The following FAT3 variants were observed in gnomAD, a reference collection of about 807,000 sequenced individuals.
FAT3 encodes protocadherin Fat 3.
A neutral mutation model predicts 310.2 loss-of-function variants in FAT3; 95 were observed. That is an observed-to-expected ratio of 0.31 (90% CI 0.26 to 0.36). FAT3 has a LOEUF of 0.36. FAT3 is among the 10% of genes least tolerant of loss of function. The pLI is 1.00. For missense variants in FAT3, 5,408 were observed against 5,715.6 expected (o/e 0.95, Z 1.74); for synonymous variants, 2,314 against 2,192.9 (o/e 1.06, Z -1.54).
Position 92,421,843 on chromosome 11 carries a change from C to T in FAT3, c.3292+66439C>T, listed in dbSNP as rs571942626. On this transcript the variant is annotated intron_variant, in intron 2 of 27. Coordinates refer to ENST00000525166, the MANE Select transcript of FAT3 (RefSeq NM_001367949.2). Reference sequence around the variant, plus strand: ...CAGCCCCAGGTAGAGGAACAGGCAGCGAGCTGAGCCCTCATAGCTCCTCCT... The same window carrying T: ...CAGCCCCAGGTAGAGGAACAGGCAGTGAGCTGAGCCCTCATAGCTCCTCCT... Among the ~76,000 whole-genome samples, 4 of 152,294 alleles carry T rather than the reference C, an allele frequency of 2.6e-5. No homozygotes were observed. In the South Asian group the frequency reaches 6.2e-4, roughly 24 times the overall value.
At chr11:92,381,884 A>G (rs1949501608) in intron 2 of FAT3, among the ~76,000 whole-genome samples, 1 of 152,202 alleles carries the variant, frequency 6.6e-6, no homozygotes, top group South Asian at 2.1e-4. Context: ...TAAAAAGAAA[A>G]TGAAGGAAAT....
intron 2 of FAT3, among the ~76,000 whole-genome samples, chr11:92,504,171 A>G (rs1175473447): frequency 1.3e-5 from 2 of 152,170 alleles, no homozygotes; most frequent in African/African-American, 2.4e-5. Context: ...AAGTTGTGCC[A>G]TGGAAAACAC....
Position 92,352,256 on chromosome 11 carries a change from T to C in FAT3, c.144T>C (p.Tyr48=), listed in dbSNP as rs187416225. 1 of 1,417,632 alleles carries C rather than the reference T, an allele frequency of 7.1e-7. No individual in the cohort carries two copies. Among genetic ancestry groups the C allele is most frequent in the Admixed American group, 1.9e-5 (1 of 53,998 alleles). The allele number at this position is 1,417,632 out of a possible 1,614,324, so 87.8% of individuals were successfully genotyped here. ...PLGFHFTHSI[Y]NATVYENSAA... ...GCTTCCACTTCACACATTCCATTTA[T>C]AATGCTACCGTGTATGAGAACTCAG... The change falls in exon 2 of 28, where the codon TAT becomes TAC. Residue 48 remains tyrosine (Y), a synonymous_variant. Coordinates refer to ENST00000525166, the MANE Select transcript of FAT3 (RefSeq NM_001367949.2).
chr11:92,236,385 C>T (rs896364699), intron 1 of FAT3, among the ~76,000 whole-genome samples: 6 of 152,150 alleles, frequency 3.9e-5, no homozygotes, highest in Admixed American at 1.3e-4. Context: ...AAATCCCCCT[C>T]TCCTTTTTTT....
chr11:92,650,134 T>C (rs1009713374), intron 3 of FAT3, among the ~76,000 whole-genome samples: 4 of 151,946 alleles, frequency 2.6e-5, no homozygotes, highest in Non-Finnish European at 5.9e-5. Flanking sequence ...GCCATTATGA[T>C]TGGATGTATA....
At chr11:92,744,928 C>T (rs146708660) in intron 4 of FAT3, among the ~76,000 whole-genome samples, 2,459 of 152,238 alleles carry the variant, frequency 0.016, 72 homozygotes, top group African/African-American at 0.054. Flanking sequence ...CCTGCTAAAT[C>T]GCCCAGAAAT....
At chr11:92,676,176 A>G (rs900613098) in intron 3 of FAT3, among the ~76,000 whole-genome samples, 5 of 152,218 alleles carry the variant, frequency 3.3e-5, no homozygotes, top group Non-Finnish European at 7.3e-5. Flanking sequence ...ACATTTAACC[A>G]AAATGAAAAC....
chr11:92,532,222 T>C (rs1954105890), intron 3 of FAT3, among the ~76,000 whole-genome samples: 1 of 152,158 alleles, frequency 6.6e-6, no homozygotes, highest in South Asian at 2.1e-4. Flanking sequence ...GAAGGAATGT[T>C]ACACAAAGAG....
In FAT3 at chr11:92,883,139, C is replaced by T. The variant is rs1440801357; in HGVS notation, c.12683C>T (p.Pro4228Leu). 1.9e-6 allele frequency: 3 copies of T among 1,613,556 alleles called. No homozygotes were observed. Among genetic ancestry groups the T allele is most frequent in the Non-Finnish European group, 1.7e-6 (2 of 1,179,842 alleles). Residue 4228 changes from proline (P) to leucine (L), a missense_variant, in exon 24 of 28, where the codon CCG becomes CTG. By Grantham distance (98) the Pro-to-Leu change is moderately conservative. Around this residue, in one of 5 missense-constraint regions of FAT3, gnomAD observed 649 missense variants for 666.2 expected, o/e 0.97. Transcript: ENST00000525166. The surrounding 1 kb of genome is among the most constrained non-coding windows in gnomAD (Gnocchi z 4.2). ...GRNVYQEVGP[P>L]QVPVRPMAYT... ...AACGTCTACCAGGAGGTGGGGCCCC[C>T]GCAGGTCCCCGTGCGCCCCATGGCC...
At chr11:92,239,795 T>C (rs887126542) in intron 1 of FAT3, among the ~76,000 whole-genome samples, 1 of 152,096 alleles carries the variant, frequency 6.6e-6, no homozygotes, top group Non-Finnish European at 1.5e-5. Flanking sequence ...ATTAACTTGA[T>C]TAGGGGTCTT....
intron 10 of FAT3, among the ~76,000 whole-genome samples, chr11:92,803,831 G>A (rs1359878741): frequency 2.0e-5 from 3 of 152,188 alleles, no homozygotes; most frequent in Non-Finnish European, 4.4e-5. Context: ...TGCCCCAGAG[G>A]AATAGGCAGC....
At chr11:92,335,049 A>C (rs898977970) in intron 1 of FAT3, among the ~76,000 whole-genome samples, 11 of 152,140 alleles carry the variant, frequency 7.2e-5, no homozygotes, top group Non-Finnish European at 1.5e-4. Flanking sequence ...TGTCGCCACA[A>C]TGTTTGATGA....
chr11:92,507,657 TAC>T (rs557323041), intron 2 of FAT3, among the ~76,000 whole-genome samples: 3 of 150,932 alleles, frequency 2.0e-5, no homozygotes, highest in Admixed American at 6.6e-5. Context: ...TATACATATA[TAC>T]ACATATATGT....
At chr11:92,301,886 G>A (rs1047976264) in intron 1 of FAT3, among the ~76,000 whole-genome samples, 2 of 151,974 alleles carry the variant, frequency 1.3e-5, no homozygotes, top group Non-Finnish European at 2.9e-5. Context: ...TCTTTCCAAA[G>A]GGCTTTGAGG....
intron 1 of FAT3, among the ~76,000 whole-genome samples, chr11:92,249,266 AAGG>A (rs1291747163): frequency 1.3e-5 from 2 of 152,108 alleles, no homozygotes; most frequent in African/African-American, 4.8e-5. Context: ...CGATGATCAG[AAGG>A]AGAATGGAAG....
intron 1 of FAT3, among the ~76,000 whole-genome samples, chr11:92,265,160 G>A (rs907768304): frequency 2.6e-5 from 4 of 151,978 alleles, no homozygotes; most frequent in African/African-American, 7.2e-5. Context: ...AGAGTCAGCT[G>A]TAGCCAGTTC....
intron 19 of FAT3, among the ~76,000 whole-genome samples, chr11:92,849,866 G>A (rs561836200): frequency 2.0e-5 from 3 of 152,284 alleles, no homozygotes; most frequent in African/African-American, 7.2e-5. Flanking sequence ...TTCCCATGGA[G>A]CATGAAACAG....
At chr11:92,463,669 C>G (rs1303164443) in intron 2 of FAT3, among the ~76,000 whole-genome samples, 1 of 152,060 alleles carries the variant, frequency 6.6e-6, no homozygotes, top group Non-Finnish European at 1.5e-5. Context: ...CTCACTGGAT[C>G]AGCTGTTCAA....
intron 4 of FAT3, among the ~76,000 whole-genome samples, chr11:92,703,139 T>C (rs1944152658): frequency 6.6e-6 from 1 of 152,252 alleles, no homozygotes; most frequent in African/African-American, 2.4e-5. Context: ...GAAGTTCTCA[T>C]CCCTTTTTAT....
Sources: gnomAD v4.1 joint callset for allele counts (sites outside exome capture counted in the v4.1 genomes callset) on GRCh38, gnomAD v4.1.1 for gene constraint, gnomAD v4.1.1 regional missense constraint, Gnocchi (gnomAD v3.1) non-coding constraint, MANE v1.5 for transcripts, NCBI Gene and HGNC (gene_info 2026-07-23, HGNC 2026-07-21) for gene names.